Variants in TRAPPC9 observed in about 807,000 individuals in gnomAD.
TRAPPC9 encodes the protein IKK2 binding protein.
In TRAPPC9, 83 loss-of-function variants were observed where a neutral mutation model predicts 124.0. The ratio of observed to expected loss-of-function variants is 0.67; its 90% CI spans 0.56 to 0.80. The LOEUF (loss-of-function observed/expected upper bound fraction) is 0.80, where lower values mean the gene tolerates loss of function less well. Among genes scored for constraint, TRAPPC9 ranks in the 30% least tolerant of loss-of-function variants. TRAPPC9 has a pLI of 0.00. For synonymous variants in TRAPPC9, 638 were observed against 617.5 expected (o/e 1.03, Z -0.49); for missense variants, 1,302 against 1,508.3 (o/e 0.86, Z 2.27).
intron 16 of TRAPPC9, among the ~76,000 whole-genome samples, chr8:140,225,260 T>C (rs1355379210): frequency 6.6e-6 from 1 of 152,136 alleles, no homozygotes; most frequent in Non-Finnish European, 1.5e-5. Flanking sequence ...CTCTAACAAA[T>C]TGTAAGCCCT....
intron 17 of TRAPPC9, among the ~76,000 whole-genome samples, chr8:140,169,682 T>C (rs1342287507): frequency 6.6e-6 from 1 of 152,158 alleles, no homozygotes; most frequent in East Asian, 1.9e-4. Context: ...TGTATATGAT[T>C]CCGTTTATAG....
In TRAPPC9 at chr8:140,252,787, A is replaced by G. The variant is rs578041411; in HGVS notation, c.2421T>C (p.Asp807=). ...TAGGAAAGCGCTTACCATCACTGAG[A>G]TCCTGCAGGAGATTCTCCTGGCAGG... is the stretch of plus-strand genomic sequence containing the variant. ...DFSCQENLLQ[D]LSDDGISVSG... Residue 807 remains aspartate, a synonymous_variant, in exon 16 of 23, where the codon GAT becomes GAC. Coordinates refer to ENST00000438773, the MANE Select transcript of TRAPPC9 (RefSeq NM_001160372.4). The surrounding 1 kb of genome is among the most constrained non-coding windows in gnomAD (Gnocchi z 4.2). 12 of 1,613,970 alleles carry G rather than the reference A, an allele frequency of 7.4e-6. No individual in the cohort carries two copies. Among genetic ancestry groups the G allele is most frequent in the Middle Eastern group, 1.6e-4 (1 of 6,062 alleles).
At chr8:139,912,562 A>T (rs1831817758) in intron 19 of TRAPPC9, among the ~76,000 whole-genome samples, 1 of 152,256 alleles carries the variant, frequency 6.6e-6, no homozygotes, top group Admixed American at 6.5e-5. Flanking sequence ...TTTCAGGCTC[A>T]GAGGCCGAGT....
chr8:140,142,146 C>T (rs929772897), intron 17 of TRAPPC9, among the ~76,000 whole-genome samples: 1 of 152,230 alleles, frequency 6.6e-6, no homozygotes, highest in African/African-American at 2.4e-5. Flanking sequence ...TTAAACAGCA[C>T]TGTTGGGAGG....
At chr8:139,915,069 C>T (rs1447719861) in intron 19 of TRAPPC9, among the ~76,000 whole-genome samples, 5 of 152,210 alleles carry the variant, frequency 3.3e-5, no homozygotes, top group East Asian at 1.9e-4. Flanking sequence ...TGAGGAAACC[C>T]GCGCAGAACT....
At chr8:139,882,292 G>T (rs577162146) in intron 21 of TRAPPC9, among the ~76,000 whole-genome samples, 2 of 152,128 alleles carry the variant, frequency 1.3e-5, no homozygotes, top group Admixed American at 6.5e-5. Context: ...GGTCCATGCC[G>T]CCCTGAGATG....
At chr8:140,069,497 G>A (rs11995753) in intron 17 of TRAPPC9, among the ~76,000 whole-genome samples, 2,734 of 152,116 alleles carry the variant, frequency 0.018, 83 homozygotes, top group African/African-American at 0.062. Context: ...TCTGGGCCCT[G>A]TTTACTTGCA....
intron 17 of TRAPPC9, among the ~76,000 whole-genome samples, chr8:140,080,899 AG>A (rs1843776464): frequency 6.6e-6 from 1 of 152,348 alleles, no homozygotes; most frequent in African/African-American, 2.4e-5. Context: ...TGAATGCTTC[AG>A]AGCACAAAGG....
chr8:140,152,174 A>G (rs538181129), intron 17 of TRAPPC9, among the ~76,000 whole-genome samples: 1 of 147,898 alleles, frequency 6.8e-6, no homozygotes, highest in South Asian at 2.2e-4. Flanking sequence ...TGTCTAATAC[A>G]TGTTGACTAT....
At chr8:140,149,475 C>T (rs2061509385) in intron 17 of TRAPPC9, among the ~76,000 whole-genome samples, 1 of 152,008 alleles carries the variant, frequency 6.6e-6, no homozygotes, top group Non-Finnish European at 1.5e-5. Context: ...CAGAAATTAG[C>T]CGGGTGTGGT....
chr8:139,862,376 C>T (rs1160414175), intron 21 of TRAPPC9, among the ~76,000 whole-genome samples: 7 of 152,370 alleles, frequency 4.6e-5, no homozygotes, highest in South Asian at 2.1e-4. Context: ...GTTACTCAGC[C>T]GTGTTCTTCC....
intron 17 of TRAPPC9, among the ~76,000 whole-genome samples, chr8:140,154,623 CTCA>C (rs2061599270): frequency 6.6e-6 from 1 of 152,208 alleles, no homozygotes. Context: ...CTAACGATTA[CTCA>C]TCCTTCTGAT....
chr8:140,017,650 C>T (rs1390438190), intron 18 of TRAPPC9, among the ~76,000 whole-genome samples: 2 of 152,158 alleles, frequency 1.3e-5, no homozygotes, highest in African/African-American at 4.8e-5. Flanking sequence ...TAAAATCATA[C>T]AGTGTAAGTC....
chr8:140,078,069 T>C (rs1274596662), intron 17 of TRAPPC9, among the ~76,000 whole-genome samples: 1 of 152,180 alleles, frequency 6.6e-6, no homozygotes, highest in Non-Finnish European at 1.5e-5. Context: ...ATGCAGTTCA[T>C]CTCCATTTAA....
intron 17 of TRAPPC9, among the ~76,000 whole-genome samples, chr8:140,069,264 C>G (rs1017421883): frequency 6.6e-6 from 1 of 152,166 alleles, no homozygotes; most frequent in Non-Finnish European, 1.5e-5. Context: ...TCAGGGCCCA[C>G]GATCTGAAGG....
intron 5 of TRAPPC9, among the ~76,000 whole-genome samples, chr8:140,420,975 G>A (rs547734790): frequency 2.6e-5 from 4 of 152,270 alleles, no homozygotes; most frequent in East Asian, 3.9e-4. Flanking sequence ...TGTGGATCAC[G>A]CCTAAATTCC....
At chr8:139,885,598 G>C (rs1829953409) in intron 21 of TRAPPC9, among the ~76,000 whole-genome samples, 1 of 152,224 alleles carries the variant, frequency 6.6e-6, no homozygotes, top group African/African-American at 2.4e-5. Context: ...TGTAGGCCAA[G>C]ATCCGCCTGC....
At chr8:140,238,529 G>A (rs2063777136) in intron 16 of TRAPPC9, 1 of 152,234 alleles carries the variant, frequency 6.6e-6, no homozygotes, top group Non-Finnish European at 1.5e-5. Context: ...CCGGGGAGAT[G>A]GCACGGGCTA....
rs574229613 is a variant in TRAPPC9 at position 140,144,591 on chromosome 8, C to A, written c.2556+76868G>T. ...GCAACCTCCATCTCTCAGGTTCAAG[C>A]GATTCTCCTGCCTCAGCCTCCTGAG... On this transcript the variant is annotated intron_variant, in intron 17 of 22. Coordinates refer to ENST00000438773, the MANE Select transcript of TRAPPC9 (RefSeq NM_001160372.4). 1.9e-4 allele frequency among the ~76,000 whole-genome samples: 29 copies of A among 152,146 alleles called. No individual in the cohort carries two copies. In the East Asian group the frequency reaches 5.4e-3, roughly 28 times the overall value.
Sources: allele counts gnomAD v4.1 joint callset (sites outside exome capture counted in the v4.1 genomes callset), GRCh38; gene constraint gnomAD v4.1.1; non-coding constraint Gnocchi (gnomAD v3.1); transcripts MANE v1.5; gene names NCBI Gene and HGNC (gene_info 2026-07-23, HGNC 2026-07-21).